The following AOAH variants were observed in gnomAD, a reference collection of about 807,000 sequenced individuals.
AOAH encodes the protein acyloxyacyl hydrolase (neutrophil).
Under a neutral mutation model 92.2 loss-of-function variants are expected in AOAH, and 64 were observed. That is an observed-to-expected ratio of 0.69 (90% CI 0.57 to 0.86). The LOEUF is 0.86. AOAH is among the 40% of genes least tolerant of loss of function. AOAH has a pLI of 0.00. For synonymous variants in AOAH, 263 were observed against 254.5 expected, an observed-to-expected ratio of 1.03 and a Z score of -0.32; for missense variants, 656 against 694.6, an observed-to-expected ratio of 0.94 and a Z score of 0.62.
At position 36,689,550 on chromosome 7, in the gene AOAH, T is replaced by C. The variant is rs543742782; in HGVS notation, c.128-2756A>G. Among the ~76,000 whole-genome samples, 23 of 152,162 alleles carry C rather than the reference T, an allele frequency of 1.5e-4. No homozygotes were observed. The Middle Eastern group carries it at 0.014, about 90-fold the overall frequency. On this transcript the variant is annotated intron_variant, in intron 1 of 20. Transcript: ENST00000617537. ...ACGGCTTTGATGGGCCCCTGGTGAA[T>C]AGAATATGATCTTTGTTCACAGGAA... is the stretch of plus-strand genomic sequence containing the variant.
intron 19 of AOAH, among the ~76,000 whole-genome samples, chr7:36,527,973 C>G (rs370733701): frequency 6.6e-6 from 1 of 152,226 alleles, no homozygotes; most frequent in Admixed American, 6.5e-5. Flanking sequence ...AGTCAGGACA[C>G]TACCACGGTT....
At chr7:36,616,524 AC>A (rs1182649846) in intron 10 of AOAH, 50 bp from the exon 11 acceptor site, 25 of 1,491,212 alleles carry the variant, frequency 1.7e-5, no homozygotes, top group Non-Finnish European at 2.2e-5. Flanking sequence ...GTAGTTTGGA[AC>A]CTCCAGACTG....
intron 15 of AOAH, among the ~76,000 whole-genome samples, chr7:36,547,002 T>C (rs1785847259): frequency 6.6e-6 from 1 of 152,218 alleles, no homozygotes; most frequent in Non-Finnish European, 1.5e-5. Flanking sequence ...TTTGGTTAGA[T>C]AACCTGGTTT....
At chr7:36,558,635 G>A (rs1019359995) in intron 13 of AOAH, among the ~76,000 whole-genome samples, 6 of 152,256 alleles carry the variant, frequency 3.9e-5, no homozygotes, top group African/African-American at 1.2e-4. Flanking sequence ...CACCCAGTTC[G>A]AGCTTCCCAG....
At chr7:36,705,666 C>T (rs186300564) in intron 1 of AOAH, among the ~76,000 whole-genome samples, 4 of 152,178 alleles carry the variant, frequency 2.6e-5, no homozygotes, top group East Asian at 1.9e-4. Context: ...AAAAAGAGCC[C>T]GTATATCCAA....
At chr7:36,711,477 G>A (rs1255655032) in intron 1 of AOAH, among the ~76,000 whole-genome samples, 1 of 152,126 alleles carries the variant, frequency 6.6e-6, no homozygotes, top group Non-Finnish European at 1.5e-5. Flanking sequence ...TTCTCAGAGT[G>A]TCCCTGTGGT....
intron 11 of AOAH, among the ~76,000 whole-genome samples, chr7:36,601,051 G>A (rs1342280348): frequency 6.6e-6 from 1 of 152,130 alleles, no homozygotes; most frequent in Non-Finnish European, 1.5e-5. Context: ...AAAGGCCCCC[G>A]GGAGATGGCG....
chr7:36,570,142 A>G (rs184350189), intron 13 of AOAH, among the ~76,000 whole-genome samples: 21 of 152,210 alleles, frequency 1.4e-4, no homozygotes, highest in African/African-American at 4.8e-4. Flanking sequence ...TAAATTTTAA[A>G]CCAGTTGAAC....
At chr7:36,568,559 A>G (rs1356830828) in intron 13 of AOAH, among the ~76,000 whole-genome samples, 1 of 152,180 alleles carries the variant, frequency 6.6e-6, no homozygotes, top group Non-Finnish European at 1.5e-5. Context: ...TTGAGAAAAC[A>G]CAGTCCAACA....
chr7:36,659,928 G>A (rs116154769), intron 3 of AOAH, among the ~76,000 whole-genome samples: 1,746 of 152,014 alleles, frequency 0.011, 28 homozygotes, highest in African/African-American at 0.04. Context: ...GCCAGTCCCT[G>A]CCTTAACTGA....
At chr7:36,603,908 A>G (rs1790790099) in intron 11 of AOAH, among the ~76,000 whole-genome samples, 1 of 152,214 alleles carries the variant, frequency 6.6e-6, no homozygotes, top group African/African-American at 2.4e-5. Flanking sequence ...ATATTCTGCT[A>G]TATTTTCTCT....
In AOAH at chr7:36,678,650, G is replaced by C. The variant is rs186901454; in HGVS notation, c.224-4641C>G. 3.9e-3 allele frequency among the ~76,000 whole-genome samples: 578 copies of C among 147,808 alleles called. 4 individuals are homozygous for C. The highest frequency in any genetic ancestry group is 5.2e-3 in the Non-Finnish European group (350 of 67,130). ...TGTTTAGCTCAAGTCAAAGAGGATG[G>C]CTGCAGGTTCCTTCCTCCCTGAGCA... is the stretch of plus-strand genomic sequence containing the variant. On this transcript the variant is annotated intron_variant, in intron 2 of 20. Coordinates refer to ENST00000617537, the MANE Select transcript of AOAH (RefSeq NM_001637.4).
chr7:36,543,279 C>G (rs1464223712), intron 15 of AOAH, among the ~76,000 whole-genome samples: 1 of 152,168 alleles, frequency 6.6e-6, no homozygotes, highest in Non-Finnish European at 1.5e-5. Context: ...ACTTGATTCC[C>G]ATATGCACAG....
At chr7:36,602,106 C>T (rs1276958370) in intron 11 of AOAH, among the ~76,000 whole-genome samples, 1 of 152,294 alleles carries the variant, frequency 6.6e-6, no homozygotes, top group East Asian at 1.9e-4. Context: ...CTTTGACCCT[C>T]TGCCAGTACA....
intron 13 of AOAH, among the ~76,000 whole-genome samples, chr7:36,564,708 T>C (rs1174856120): frequency 6.6e-6 from 1 of 152,244 alleles, no homozygotes; most frequent in Non-Finnish European, 1.5e-5. Context: ...TGTAAGGCAT[T>C]TGCTTCTGAA....
chr7:36,709,494 G>C (rs1798628159), intron 1 of AOAH, among the ~76,000 whole-genome samples: 1 of 152,146 alleles, frequency 6.6e-6, no homozygotes, highest in African/African-American at 2.4e-5. Context: ...AAATGCTTGT[G>C]ATAATTTTTC....
At chr7:36,580,954 C>T (rs1224522564) in intron 12 of AOAH, among the ~76,000 whole-genome samples, 1 of 152,150 alleles carries the variant, frequency 6.6e-6, no homozygotes, top group Admixed American at 6.5e-5. Flanking sequence ...CCGTAGGATA[C>T]TCCTCTCCTC....
chr7:36,564,902 T>A (rs908310592), intron 13 of AOAH, among the ~76,000 whole-genome samples: 4 of 152,336 alleles, frequency 2.6e-5, no homozygotes, highest in African/African-American at 9.6e-5. Flanking sequence ...ATAGTCCCAT[T>A]TGAATCAGAA....
intron 4 of AOAH, among the ~76,000 whole-genome samples, chr7:36,638,475 G>GCAT (rs1157538720): frequency 1.3e-5 from 2 of 152,070 alleles, no homozygotes; most frequent in African/African-American, 4.8e-5. Context: ...GCATCTAAGT[G>GCAT]CATCTTCCAA....
Sources: allele counts gnomAD v4.1 joint callset (sites outside exome capture counted in the v4.1 genomes callset), GRCh38; gene constraint gnomAD v4.1.1; transcripts MANE v1.5; gene names NCBI Gene and HGNC (gene_info 2026-07-23, HGNC 2026-07-21).